The following XKR8 variants were observed in gnomAD, a reference collection of about 807,000 sequenced individuals.
The protein encoded by XKR8 is XK related 8.
Under a neutral mutation model 17.1 loss-of-function variants are expected in XKR8, and 10 were observed. That is an observed-to-expected ratio of 0.59 (90% CI 0.36 to 0.99). The LOEUF (loss-of-function observed/expected upper bound fraction) is 0.99. XKR8 is among the 50% of genes least tolerant of loss of function. The pLI is 0.01. For missense variants in XKR8, 411 were observed against 515.6 expected, an observed-to-expected ratio of 0.80 and a Z score of 1.96; for synonymous variants, 213 against 251.9, an observed-to-expected ratio of 0.85 and a Z score of 1.46.
rs6673064 is a variant in XKR8 at position 27,967,201 on chromosome 1, G to A, written c.*1G>A. On this transcript the variant is annotated 3_prime_UTR_variant, in exon 3 of 3. Coordinates refer to ENST00000373884, the MANE Select transcript of XKR8 (RefSeq NM_018053.4). This position sits in a 1 kb window ranked among gnomAD's most constrained non-coding sequence, Gnocchi z 4.3. ...GGCTGCTTCGCCAGTGAAGGGATAG[G>A]TGAACGGCGTCCTTTGAAGCAGGAT... 8.9e-3 allele frequency: 13,738 copies of A among 1,537,470 alleles called. 79 individuals carry two copies. Among genetic ancestry groups the A allele is most frequent in the African/African-American group, 0.017 (1,254 of 72,710 alleles).
chr1:27,964,282 G>T (rs1469149838), intron 2 of XKR8: 1 of 148,070 alleles, frequency 6.8e-6, no homozygotes. Context: ...TACAGGTGTC[G>T]CCCACTGTGC....
intron 1 of XKR8, among the ~76,000 whole-genome samples, chr1:27,962,426 G>C (rs1366147804): frequency 8.5e-5 from 13 of 152,128 alleles, no homozygotes; most frequent in African/African-American, 3.1e-4. Flanking sequence ...TTAGCCAGGT[G>C]TGGTGGCGCA....
rs1347586078 is a variant in XKR8 at position 27,965,743 on chromosome 1, A to G, written c.491-760A>G. 6.6e-6 allele frequency among the ~76,000 whole-genome samples: 1 copy of G among 152,206 alleles called. No homozygotes were observed. The highest frequency in any genetic ancestry group is 2.4e-5 in the African/African-American group (1 of 41,462). On this transcript the variant is annotated intron_variant, in intron 2 of 2. Transcript: ENST00000373884. This position sits in a 1 kb window ranked among gnomAD's most constrained non-coding sequence, Gnocchi z 4.1. Reference sequence around the variant, plus strand: ...GGCTAGGAGTGGGTTCTGGGCGCCTAATAGGTTCCCAGTAAACATCTGTCG... The same window carrying G: ...GGCTAGGAGTGGGTTCTGGGCGCCTGATAGGTTCCCAGTAAACATCTGTCG...
rs1638565256 is a variant in XKR8 at position 27,966,253 on chromosome 1, A to G, written c.491-250A>G. ...GGTCACATCCTCTCATCTTTGACAAATACCACCCGGATAGCACCTACGCAG... is the reference window on the plus strand; with the variant it reads ...GGTCACATCCTCTCATCTTTGACAAGTACCACCCGGATAGCACCTACGCAG... On this transcript the variant is annotated intron_variant, in intron 2 of 2. Coordinates refer to ENST00000373884, the MANE Select transcript of XKR8 (RefSeq NM_018053.4). This position sits in a 1 kb window ranked among gnomAD's most constrained non-coding sequence, Gnocchi z 4.3. 6.6e-6 allele frequency among the ~76,000 whole-genome samples: 1 copy of G among 152,086 alleles called. No homozygotes were observed. The highest frequency in any genetic ancestry group is 6.6e-5 in the Admixed American group (1 of 15,266).
Position 27,963,588 on chromosome 1 carries a change from G to T in XKR8, c.385G>T (p.Asp129Tyr). 1.2e-6 allele frequency: 2 copies of T among 1,614,204 alleles called. No homozygotes were observed. The highest frequency in any genetic ancestry group is 1.7e-6 in the Non-Finnish European group (2 of 1,180,044). ...GGCCTACGCCGACTTCCTCGCCCTG[G>T]ACATCAGCATGCTGCGGCTCTTCGA... is the stretch of plus-strand genomic sequence containing the variant. ...DLAYADFLAL[D>Y]ISMLRLFETF... Residue 129 changes from aspartate to tyrosine, a missense_variant, in exon 2 of 3, where the codon GAC becomes TAC. By Grantham distance (160) the Asp-to-Tyr change is radical (BLOSUM62 -3). Coordinates refer to ENST00000373884, the MANE Select transcript of XKR8 (RefSeq NM_018053.4).
chr1:27,963,493 C>T lies in XKR8; in HGVS notation c.294-4C>T, dbSNP rs1435336750. 2 of 1,606,014 alleles carry T rather than the reference C, an allele frequency of 1.2e-6. No homozygotes were observed. The highest frequency in any genetic ancestry group is 1.7e-6 in the Non-Finnish European group (2 of 1,175,628). Reference sequence around the variant, plus strand: ...CCCTCTGGGCATTTGTGTGTGGTGCCTAGGTGCGTGCAGGAGCTGCGGCAG... The same window carrying T: ...CCCTCTGGGCATTTGTGTGTGGTGCTTAGGTGCGTGCAGGAGCTGCGGCAG... On this transcript the variant is annotated splice_region_variant and splice_polypyrimidine_tract_variant and intron_variant, in intron 1 of 2. Coordinates refer to ENST00000373884, the MANE Select transcript of XKR8 (RefSeq NM_018053.4).
At position 27,960,044 on chromosome 1, in the gene XKR8, C is replaced by G; in HGVS notation, c.-26C>G. The G allele has an allele frequency of 7.1e-7, 1 of 1,399,720 alleles. No individual in the cohort carries two copies. Among genetic ancestry groups the G allele is most frequent in the Non-Finnish European group, 9.2e-7 (1 of 1,082,364 alleles). 86.7% of individuals were successfully genotyped at this position (1,399,720 alleles called of 1,614,324 possible). On this transcript the variant is annotated 5_prime_UTR_variant, in exon 1 of 3. Transcript: ENST00000373884. This position sits in a 1 kb window ranked among gnomAD's most constrained non-coding sequence, Gnocchi z 5.9. ...AGGGCAGGCCCCAACCGCGGAGGAG[C>G]AGGAGAGGGCGGAGGCCGGCGGGCC...
chr1:27,966,711 C>T lies in XKR8; in HGVS notation c.699C>T (p.Phe233=). Residue 233 remains phenylalanine, a synonymous_variant, in exon 3 of 3, where the codon TTC becomes TTT. Coordinates refer to ENST00000373884, the MANE Select transcript of XKR8 (RefSeq NM_018053.4). This position sits in a 1 kb window ranked among gnomAD's most constrained non-coding sequence, Gnocchi z 4.3. The stretch of plus-strand genomic sequence containing the variant: ...TCCCCAGCTATGTGGCCCTGCACTT[C>T]CTGGGCCTGTGGCTGGTACTGCTGC... ...ALFPSYVALH[F]LGLWLVLLLW... The T allele has an allele frequency of 6.2e-7, 1 of 1,614,096 alleles. No homozygotes were observed. The highest frequency in any genetic ancestry group is 8.5e-7 in the Non-Finnish European group (1 of 1,180,010).
chr1:27,960,013 G>A lies in XKR8; in HGVS notation c.-57G>A. ...CTCCTTCCTGCCTCGGCAACCCCGG[G>A]CCCTGAGGGCAGGCCCCAACCGCGG... is the stretch of plus-strand genomic sequence containing the variant. On this transcript the variant is annotated 5_prime_UTR_variant, in exon 1 of 3. Transcript: ENST00000373884. This position sits in a 1 kb window ranked among gnomAD's most constrained non-coding sequence, Gnocchi z 5.9. 1 of 1,347,726 alleles carries A rather than the reference G, an allele frequency of 7.4e-7. No individual in the cohort carries two copies. 83.5% of individuals were successfully genotyped at this position (1,347,726 alleles called of 1,614,324 possible).
In XKR8 at chr1:27,960,280, G is replaced by T; in HGVS notation, c.211G>T (p.Asp71Tyr). The change falls in exon 1 of 3, where the codon GAC (aspartate) becomes TAC (tyrosine). Residue 71 changes from aspartate (D) to tyrosine (Y), a missense_variant. Coordinates refer to ENST00000373884, the MANE Select transcript of XKR8 (RefSeq NM_018053.4). The surrounding 1 kb of genome is among the most constrained non-coding windows in gnomAD (Gnocchi z 5.9). ...CTTCAGCTGGCTCTGGCTGCGCGCT[G>T]ACCCTGCCGGCCTGCACGGGTCGCA... ...QLFSWLWLRA[D>Y]PAGLHGSQPP... is the part of the protein sequence containing the mutation. 1 of 1,516,716 alleles carries T rather than the reference G, an allele frequency of 6.6e-7. No homozygotes were observed. Among genetic ancestry groups the T allele is most frequent in the Non-Finnish European group, 8.8e-7 (1 of 1,139,102 alleles). The allele number at this position is 1,516,716 out of a possible 1,614,324, so 94.0% of individuals were successfully genotyped here.
intron 1 of XKR8, among the ~76,000 whole-genome samples, chr1:27,962,473 C>T (rs4379693): frequency 0.93 from 140,748 of 152,120 alleles, 65,723 homozygotes; most frequent in East Asian, 1. Flanking sequence ...CTCTGGAGGC[C>T]GAGGCAGGAG....
rs1186463774 is a variant in XKR8 at position 27,961,665 on chromosome 1, G to A, written c.293+1303G>A. Among the ~76,000 whole-genome samples, 4 of 152,350 alleles carry A rather than the reference G, an allele frequency of 2.6e-5. No individual in the cohort carries two copies. In the East Asian group the frequency reaches 7.7e-4, roughly 29 times the overall value. ...GAAATGGGTCTCTGTTCCTGCCTGT[G>A]AATTGGCCGAGGCAGGGGTCCCTGC... is the stretch of plus-strand genomic sequence containing the variant. On this transcript the variant is annotated intron_variant, in intron 1 of 2. Coordinates refer to ENST00000373884, the MANE Select transcript of XKR8 (RefSeq NM_018053.4).
chr1:27,966,453 T>C lies in XKR8; in HGVS notation c.491-50T>C. On this transcript the variant is annotated intron_variant, in intron 2 of 2. Coordinates refer to ENST00000373884, the MANE Select transcript of XKR8 (RefSeq NM_018053.4). The surrounding 1 kb of genome is among the most constrained non-coding windows in gnomAD (Gnocchi z 4.3). ...CACGGTACCTGTGACCGCTGGGGAG[T>C]GCCAAGCAGGCTGGCCCCAGGACTC... 1 of 1,551,844 alleles carries C rather than the reference T, an allele frequency of 6.4e-7. No homozygotes were observed. Among genetic ancestry groups the C allele is most frequent in the Admixed American group, 1.8e-5 (1 of 56,080 alleles).
Position 27,965,886 on chromosome 1 carries a change from G to A in XKR8, c.491-617G>A, listed in dbSNP as rs77611653. Among the ~76,000 whole-genome samples the A allele has an allele frequency of 0.022, 3,331 of 152,226 alleles. 122 individuals carry two copies. Among genetic ancestry groups the A allele is most frequent in the African/African-American group, 0.075 (3,097 of 41,490 alleles). On this transcript the variant is annotated intron_variant, in intron 2 of 2. Coordinates refer to ENST00000373884, the MANE Select transcript of XKR8 (RefSeq NM_018053.4). The surrounding 1 kb of genome is among the most constrained non-coding windows in gnomAD (Gnocchi z 4.1). ...TCCAGGATTGGCAACCAGGAGGTGGGATAGGACCCCTGTTGTAAACTTCTG... is the reference window on the plus strand; with the variant it reads ...TCCAGGATTGGCAACCAGGAGGTGGAATAGGACCCCTGTTGTAAACTTCTG...
In XKR8 at chr1:27,965,020, A is replaced by G. The variant is rs749372244; in HGVS notation, c.490+1327A>G. ...AGTCTATATATTGATTGAAAAAACA[A>G]TAATAGCGGCTGTCACAATCGAGTG... On this transcript the variant is annotated intron_variant, in intron 2 of 2. Transcript: ENST00000373884. The surrounding 1 kb of genome is among the most constrained non-coding windows in gnomAD (Gnocchi z 4.1). Among the ~76,000 whole-genome samples the G allele has an allele frequency of 1.4e-4, 22 of 152,222 alleles. No individual in the cohort carries two copies. Among genetic ancestry groups the G allele is most frequent in the Non-Finnish European group, 2.5e-4 (17 of 68,046 alleles).
chr1:27,963,113 T>C (rs1259888528), intron 1 of XKR8, among the ~76,000 whole-genome samples: 3 of 152,174 alleles, frequency 2.0e-5, no homozygotes, highest in Non-Finnish European at 4.4e-5. Flanking sequence ...AACCTCCGCC[T>C]TGCAGATTCA....
Position 27,967,115 on chromosome 1 carries a change from T to C in XKR8, c.1103T>C (p.Leu368Pro). 1 of 1,613,198 alleles carries C rather than the reference T, an allele frequency of 6.2e-7. No individual in the cohort carries two copies. The highest frequency in any genetic ancestry group is 1.1e-5 in the South Asian group (1 of 90,986). ...CTGCTTTCTCCAGAGGGGTATCAGC[T>C]GCCTCAGAACAGGCGCATGACCCAT... is the stretch of plus-strand genomic sequence containing the variant. ...RSLLSPEGYQ[L>P]PQNRRMTHLA... The change falls in exon 3 of 3, where the codon CTG becomes CCG. Residue 368 changes from leucine to proline, a missense_variant. By Grantham distance (98) the Leu-to-Pro change is moderately conservative. Coordinates refer to ENST00000373884, the MANE Select transcript of XKR8 (RefSeq NM_018053.4). This position sits in a 1 kb window ranked among gnomAD's most constrained non-coding sequence, Gnocchi z 4.3.
intron 1 of XKR8, 132 bp from the exon 2 acceptor site, chr1:27,963,365 A>G: frequency 9.0e-7 from 1 of 1,110,376 alleles, no homozygotes; most frequent in Non-Finnish European, 1.3e-6. Context: ...AGGTTAGGAC[A>G]TTGCCGAAGG....
rs762444810 is a variant in XKR8, at chr1:27,966,652, C to T, written c.640C>T (p.Arg214Ter). Reference protein sequence around the residue: ...FLWNLLLLWPRVLAVALFSAL... With the variant: ...FLWNLLLLWP Reference sequence around the variant, plus strand: ...GTGGAACCTGCTGCTGCTGTGGCCCCGAGTCCTGGCTGTGGCCCTGTTCTC... The same window carrying T: ...GTGGAACCTGCTGCTGCTGTGGCCCTGAGTCCTGGCTGTGGCCCTGTTCTC... Residue 214 changes from arginine (R) to a stop codon, truncating the protein, a stop_gained, in exon 3 of 3, where the codon CGA becomes TGA. Transcript: ENST00000373884. LOFTEE classifies it low-confidence loss of function (END_TRUNC). The surrounding 1 kb of genome is among the most constrained non-coding windows in gnomAD (Gnocchi z 4.3). 1.5e-5 allele frequency: 24 copies of T among 1,613,998 alleles called. No homozygotes were observed. Among genetic ancestry groups the T allele is most frequent in the South Asian group, 1.3e-4 (12 of 91,088 alleles).
Sources: allele counts gnomAD v4.1 joint callset (sites outside exome capture counted in the v4.1 genomes callset), GRCh38; gene constraint gnomAD v4.1.1; non-coding constraint Gnocchi (gnomAD v3.1); transcripts MANE v1.5; gene names NCBI Gene and HGNC (gene_info 2026-07-23, HGNC 2026-07-21).